Variants in ANK1 observed in about 807,000 individuals in gnomAD.
ANK1 encodes the protein ankyrin-1.
ANK1 carries 51 observed loss-of-function variants against 210.4 expected under a neutral mutation model. That is an observed-to-expected ratio of 0.24 (90% CI 0.19 to 0.31). The LOEUF (loss-of-function observed/expected upper bound fraction) is 0.31. Among genes scored for constraint, ANK1 ranks in the 10% least tolerant of loss-of-function variants. The pLI is 1.00. For synonymous variants in ANK1, 967 were observed against 1,025.9 expected (o/e 0.94, Z 1.10); for missense variants, 2,051 against 2,504.4 (o/e 0.82, Z 3.86).
intron 1 of ANK1, among the ~76,000 whole-genome samples, chr8:41,864,456 G>C (rs764552068): frequency 1.3e-5 from 2 of 152,052 alleles, no homozygotes; most frequent in African/African-American, 4.8e-5. Flanking sequence ...TGCCCACCAC[G>C]AGAGCTGCTG....
chr8:41,720,005 C>T lies in ANK1; in HGVS notation c.910-147G>A, dbSNP rs17661031. On this transcript the variant is annotated intron_variant, in intron 9 of 42. Coordinates refer to ENST00000289734, the MANE Select transcript of ANK1 (RefSeq NM_000037.4). ...AGGGAGCTTGGCTCACCCTGGCCTC[C>T]ACGCTCCTGCCGGTCTCTGACCACA... 0.047 allele frequency: 43,436 copies of T among 926,990 alleles called. 1,300 individuals are homozygous for T. The highest frequency in any genetic ancestry group is 0.057 in the Admixed American group (2,851 of 50,152). 57.4% of individuals were successfully genotyped at this position (926,990 alleles called of 1,614,324 possible). A position where few individuals can be genotyped will look rare whatever the true frequency, so the allele number is the denominator to read the frequency against.
intron 1 of ANK1, among the ~76,000 whole-genome samples, chr8:41,814,042 T>C (rs1471312046): frequency 1.3e-5 from 2 of 152,236 alleles, no homozygotes; most frequent in Non-Finnish European, 2.9e-5. Flanking sequence ...ATTACACTTA[T>C]GCAAATAACT....
intron 1 of ANK1, among the ~76,000 whole-genome samples, chr8:41,826,662 A>G (rs1805439995): frequency 6.6e-6 from 1 of 152,304 alleles, no homozygotes; most frequent in Non-Finnish European, 1.5e-5. Flanking sequence ...ACTAAAAATC[A>G]CCCATAATCT....
intron 1 of ANK1, among the ~76,000 whole-genome samples, chr8:41,851,569 T>C (rs775248909): frequency 2.0e-5 from 3 of 152,232 alleles, no homozygotes; most frequent in Non-Finnish European, 4.4e-5. Context: ...AAGCCCTAGC[T>C]GGCTGGGTGC....
At chr8:41,739,759 A>G (rs917642132) in intron 2 of ANK1, among the ~76,000 whole-genome samples, 1 of 151,930 alleles carries the variant, frequency 6.6e-6, no homozygotes, top group Non-Finnish European at 1.5e-5. Flanking sequence ...ACAAAGGTAG[A>G]CTGCGGTTAT....
intron 1 of ANK1, among the ~76,000 whole-genome samples, chr8:41,814,092 C>T (rs185859778): frequency 3.2e-3 from 484 of 152,102 alleles, no homozygotes; most frequent in Admixed American, 6.5e-3. Context: ...CCGGGCGTGG[C>T]GGCTCATGCC....
At chr8:41,865,780 C>T (rs1814310599) in intron 1 of ANK1, among the ~76,000 whole-genome samples, 1 of 152,160 alleles carries the variant, frequency 6.6e-6, no homozygotes, top group African/African-American at 2.4e-5. Context: ...CATCCTCCTC[C>T]CACTGCTTTC....
At chr8:41,706,980 A>G (rs1824764888) in intron 17 of ANK1, among the ~76,000 whole-genome samples, 1 of 152,226 alleles carries the variant, frequency 6.6e-6, no homozygotes, top group South Asian at 2.1e-4. Flanking sequence ...CATGCCTGTA[A>G]TCCCAGCTAC....
chr8:41,718,352 T>C, intron 10 of ANK1, 148 bp from the exon 11 acceptor site: 1 of 712,548 alleles, frequency 1.4e-6, no homozygotes, highest in South Asian at 1.5e-5. Flanking sequence ...TTAATGCCAA[T>C]TGATTAGTCT....
At chr8:41,768,399 C>CAG (rs1842312628) in intron 1 of ANK1, among the ~76,000 whole-genome samples, 1 of 152,218 alleles carries the variant, frequency 6.6e-6, no homozygotes. Flanking sequence ...TTGTACAGTA[C>CAG]AGCTGCGCGT....
intron 1 of ANK1, among the ~76,000 whole-genome samples, chr8:41,803,069 A>G (rs1383246718): frequency 2.2e-4 from 10 of 44,702 alleles, no homozygotes; most frequent in African/African-American, 9.8e-4. Context: ...GAAAGGAAGG[A>G]AGGAAGGAAG....
intron 39 of ANK1, among the ~76,000 whole-genome samples, chr8:41,668,022 A>G (rs2150555882): frequency 6.6e-6 from 1 of 152,354 alleles, no homozygotes; most frequent in South Asian, 2.1e-4. Flanking sequence ...TGTGATCTTG[A>G]GCAAGTTGCT....
chr8:41,691,064 T>G (rs561097014), intron 31 of ANK1, among the ~76,000 whole-genome samples: 1 of 152,052 alleles, frequency 6.6e-6, no homozygotes, highest in African/African-American at 2.4e-5. Context: ...CTTTACAAAT[T>G]TTTTTAAAAA....
chr8:41,740,563 A>G (rs1834537473), intron 2 of ANK1, among the ~76,000 whole-genome samples: 1 of 151,914 alleles, frequency 6.6e-6, no homozygotes, highest in South Asian at 2.1e-4. Context: ...GCAGCAAGTC[A>G]TTGGCAGGAA....
intron 1 of ANK1, among the ~76,000 whole-genome samples, chr8:41,876,240 G>A (rs1016686756): frequency 6.6e-6 from 1 of 152,190 alleles, no homozygotes; most frequent in Non-Finnish European, 1.5e-5. Context: ...CTGCGCTCCA[G>A]CCGCGGCACC....
intron 1 of ANK1, among the ~76,000 whole-genome samples, chr8:41,883,405 A>G (rs1351928347): frequency 6.6e-6 from 1 of 152,176 alleles, no homozygotes; most frequent in African/African-American, 2.4e-5. Flanking sequence ...GTAAACCCAC[A>G]TAATCAGAGC....
chr8:41,672,940 C>T lies in ANK1; in HGVS notation c.4538-28G>A, dbSNP rs1323292096. The T allele has an allele frequency of 1.9e-6, 3 of 1,577,108 alleles. No individual in the cohort carries two copies. The Admixed American group carries it at 5.1e-5, about 27-fold the overall frequency. On this transcript the variant is annotated intron_variant, in intron 37 of 42. Transcript: ENST00000289734. The stretch of plus-strand genomic sequence containing the variant: ...GGATGGGCAGACAGAGGGCAACATG[C>T]TCCAGCAGTGATTCCTGTCCCACCC...
At chr8:41,866,477 AGCCAC>A in intron 1 of ANK1, among the ~76,000 whole-genome samples, 1 of 152,342 alleles carries the variant, frequency 6.6e-6, no homozygotes, top group Middle Eastern at 3.4e-3. Context: ...GACAGGCGTG[AGCCAC>A]TGTGCCTGGA....
At chr8:41,889,561 T>C (rs958056353) in intron 1 of ANK1, among the ~76,000 whole-genome samples, 4 of 152,242 alleles carry the variant, frequency 2.6e-5, no homozygotes, top group Non-Finnish European at 4.4e-5. Context: ...CTTTTTTTAA[T>C]TGGCTGGCCA....
Sources: gnomAD v4.1 joint callset for allele counts (sites outside exome capture counted in the v4.1 genomes callset) on GRCh38, gnomAD v4.1.1 for gene constraint, MANE v1.5 for transcripts, NCBI Gene and HGNC (gene_info 2026-07-23, HGNC 2026-07-21) for gene names.